ASIP: variants seen among roughly 807,000 people sequenced by gnomAD.
ASIP encodes the protein agouti-signaling protein.
Under a neutral mutation model 10.3 loss-of-function variants are expected in ASIP, and 11 were observed. That is an observed-to-expected ratio of 1.07 (90% CI 0.68 to 1.78). The LOEUF (loss-of-function observed/expected upper bound fraction) is 1.78, where lower values mean the gene tolerates loss of function less well. Ranked by LOEUF, ASIP falls within the 40% of genes most tolerant of loss-of-function variation. The probability of loss-of-function intolerance (pLI) is 0.00; values close to 1 mark genes in which losing one functional copy is unlikely to be tolerated. For synonymous variants in ASIP, 70 were observed against 70.8 expected (o/e 0.99, Z 0.06); for missense variants, 180 against 169.2 (o/e 1.06, Z -0.35).
intron 1 of ASIP, among the ~76,000 whole-genome samples, chr20:34,216,626 G>A (rs1168218107): frequency 6.6e-6 from 1 of 152,164 alleles, no homozygotes; most frequent in Admixed American, 6.5e-5. Flanking sequence ...AGGGGTTAGA[G>A]CTGTCTTTCC....
intron 1 of ASIP, chr20:34,215,927 T>C (rs2035005149): frequency 2.4e-6 from 2 of 819,656 alleles, no homozygotes; most frequent in Non-Finnish European, 4.3e-6. Context: ...CTGGTTATAA[T>C]AGGCTTGCCC....
chr20:34,202,619 C>T (rs1362305868), intron 1 of ASIP, among the ~76,000 whole-genome samples: 3 of 151,920 alleles, frequency 2.0e-5, no homozygotes, highest in Non-Finnish European at 4.4e-5. Flanking sequence ...TATTATTAAT[C>T]CATTGTCTAT....
chr20:34,200,596 G>T (rs1040528927), intron 1 of ASIP, among the ~76,000 whole-genome samples: 11 of 152,268 alleles, frequency 7.2e-5, no homozygotes, highest in Non-Finnish European at 1.5e-4. Flanking sequence ...CACGTTGGAT[G>T]AGCCAGGGAA....
intron 1 of ASIP, among the ~76,000 whole-genome samples, chr20:34,258,192 C>T (rs1003740275): frequency 4.0e-5 from 6 of 151,630 alleles, no homozygotes; most frequent in South Asian, 2.1e-4. Flanking sequence ...AGTGCTCCAT[C>T]GGTTAGTAGA....
At chr20:34,202,507 G>A (rs1397763175) in intron 1 of ASIP, among the ~76,000 whole-genome samples, 1 of 152,192 alleles carries the variant, frequency 6.6e-6, no homozygotes, top group Admixed American at 6.5e-5. Flanking sequence ...ACCTGGAATT[G>A]ATTTTCAGGT....
intron 1 of ASIP, among the ~76,000 whole-genome samples, chr20:34,206,735 C>G (rs559391523): frequency 2.0e-5 from 3 of 152,144 alleles, no homozygotes; most frequent in Non-Finnish European, 4.4e-5. Context: ...CAAGCCACCA[C>G]GCCTGGCTAA....
chr20:34,215,532 A>T, intron 1 of ASIP: 2 of 1,518,890 alleles, frequency 1.3e-6, no homozygotes, highest in Non-Finnish European at 1.8e-6. Flanking sequence ...AACTTGGGCC[A>T]CTTAGTGAGA....
intron 3 of ASIP, among the ~76,000 whole-genome samples, chr20:34,263,148 AAT>A (rs1444674007): frequency 6.6e-6 from 1 of 152,200 alleles, no homozygotes; most frequent in Non-Finnish European, 1.5e-5. Flanking sequence ...CCCTGCCTGA[AAT>A]TTCACCATCA....
At chr20:34,222,647 C>T (rs1355524514) in intron 1 of ASIP, among the ~76,000 whole-genome samples, 1 of 151,904 alleles carries the variant, frequency 6.6e-6, no homozygotes, top group South Asian at 2.1e-4. Context: ...TCTCCCTCTC[C>T]GTCTCCCTCT....
At chr20:34,221,980 T>TG (rs1470382652) in intron 1 of ASIP, among the ~76,000 whole-genome samples, 1 of 152,034 alleles carries the variant, frequency 6.6e-6, no homozygotes. Flanking sequence ...TGTGGTGGCA[T>TG]GTGCCTGTAG....
chr20:34,219,952 TG>T lies in ASIP; in HGVS notation c.-11+25194del, dbSNP rs2035034232. Reference sequence around the variant, plus strand: ...AAAATACAAAAAAATTAGCTGGGCGTGGTGGTGGGTGCCTGTAGTCCCAGCT... The same window carrying T: ...AAAATACAAAAAAATTAGCTGGGCGTGTGGTGGGTGCCTGTAGTCCCAGCT... On this transcript the variant is annotated intron_variant, in intron 1 of 3. Transcript: ENST00000568305. 2.0e-5 allele frequency among the ~76,000 whole-genome samples: 3 copies of T among 152,098 alleles called. No homozygotes were observed. The South Asian group carries it at 6.2e-4, about 32-fold the overall frequency.
Position 34,260,440 on chromosome 20 carries a change from C to A in ASIP, c.66C>A (p.Ser22Arg). The A allele has an allele frequency of 1.2e-6, 2 of 1,614,164 alleles. No individual in the cohort carries two copies. Among genetic ancestry groups the A allele is most frequent in the South Asian group, 1.1e-5 (1 of 91,068 alleles). ...TCCTCTGCTTCTTCACTGCCAACAG[C>A]CACCTGCCACCTGAGGAGAAGCTCC... Reference protein sequence around the residue: ...LVFLCFFTANSHLPPEEKLRD... With the variant: ...LVFLCFFTANRHLPPEEKLRD... The change falls in exon 2 of 4, where the codon AGC becomes AGA. Residue 22 changes from serine to arginine, a missense_variant. Transcript: ENST00000374954.
intron 1 of ASIP, chr20:34,213,967 T>C (rs560045434): frequency 2.5e-6 from 4 of 1,577,692 alleles, no homozygotes; most frequent in Admixed American, 3.8e-5. Context: ...CATCAAATTT[T>C]CTAACAGAAT....
At chr20:34,212,859 T>C (rs761719055) in intron 1 of ASIP, among the ~76,000 whole-genome samples, 2 of 152,232 alleles carry the variant, frequency 1.3e-5, no homozygotes, top group Non-Finnish European at 2.9e-5. Flanking sequence ...TGTGCATATA[T>C]CTTGCATCTA....
At chr20:34,195,750 A>G (rs1054699241) in intron 1 of ASIP, among the ~76,000 whole-genome samples, 1 of 152,212 alleles carries the variant, frequency 6.6e-6, no homozygotes, top group Non-Finnish European at 1.5e-5. Context: ...ATTCAAGTAC[A>G]TAAGGACAGA....
chr20:34,269,221 C>T lies in ASIP; in HGVS notation c.*54C>T. 2 of 1,436,516 alleles carry T rather than the reference C, an allele frequency of 1.4e-6. No homozygotes were observed. Among genetic ancestry groups the T allele is most frequent in the East Asian group, 2.6e-5 (1 of 37,860 alleles). 89.0% of individuals were successfully genotyped at this position (1,436,516 alleles called of 1,614,324 possible). ...AGGGCTTCGGGGACGCGGGGCGCTT[C>T]TCGGGCGGGTGATCCCTAACAGGGC... is the stretch of plus-strand genomic sequence containing the variant. On this transcript the variant is annotated 3_prime_UTR_variant, in exon 4 of 4. Coordinates refer to ENST00000374954, the MANE Select transcript of ASIP (RefSeq NM_001672.3).
At chr20:34,189,484 C>T in the ASIP span, among the ~76,000 whole-genome samples, 2 of 152,036 alleles carry the variant, frequency 1.3e-5, no homozygotes, top group African/African-American at 2.4e-5. Context: ...TCATGTGATC[C>T]GCCCACCTCG....
chr20:34,215,462 G>A (rs754567038), intron 1 of ASIP: 12 of 1,529,234 alleles, frequency 7.8e-6, no homozygotes, highest in Admixed American at 1.7e-5. Flanking sequence ...ATGAGGATTC[G>A]CAGGTACAGA....
At chr20:34,198,442 C>G (rs1347807728) in intron 1 of ASIP, among the ~76,000 whole-genome samples, 1 of 151,796 alleles carries the variant, frequency 6.6e-6, no homozygotes, top group Non-Finnish European at 1.5e-5. Flanking sequence ...TCCTAAATGG[C>G]CTGGATACAC....
Sources: allele counts gnomAD v4.1 joint callset (sites outside exome capture counted in the v4.1 genomes callset), GRCh38; gene constraint gnomAD v4.1.1; transcripts MANE v1.5; gene names NCBI Gene and HGNC (gene_info 2026-07-23, HGNC 2026-07-21).